SLC6A16: variants seen among roughly 807,000 people sequenced by gnomAD.
The protein encoded by SLC6A16 is orphan sodium- and chloride-dependent neurotransmitter transporter NTT5.
SLC6A16 carries 54 observed loss-of-function variants against 65.4 expected under a neutral mutation model. The observed-to-expected ratio is 0.83, with a 90% CI of 0.66 to 1.04. The LOEUF (loss-of-function observed/expected upper bound fraction) is 1.04. SLC6A16 is among the 50% of genes least tolerant of loss of function. The pLI is 0.00. For synonymous variants in SLC6A16, 330 were observed against 346.5 expected (o/e 0.95, Z 0.53); for missense variants, 816 against 914.0 (o/e 0.89, Z 1.38).
At chr19:49,320,552 G>GA (rs770357786) in intron 1 of SLC6A16, among the ~76,000 whole-genome samples, 9 of 150,342 alleles carry the variant, frequency 6.0e-5, no homozygotes, top group Non-Finnish European at 1.0e-4. Context: ...ATAGAGAATA[G>GA]AAAAACAATA....
chr19:49,324,947 C>G (rs573589026), intron 1 of SLC6A16, 101 bp downstream of exon 1: 1 of 717,056 alleles, frequency 1.4e-6, no homozygotes, highest in Non-Finnish European at 1.7e-6. Context: ...ACCTGTCACC[C>G]GTCAGTGGAG....
At chr19:49,336,191 C>T in the SLC6A16 span, 10 of 204,522 alleles carry the variant, frequency 4.9e-5, no homozygotes, top group Non-Finnish European at 9.1e-5. Context: ...TAACCCTAAA[C>T]GCTCATATTT....
In SLC6A16 at chr19:49,293,770, T is replaced by TCC. The variant is rs1970126757; in HGVS notation, c.1618+55_1618+56dup. The TCC allele has an allele frequency of 3.4e-6, 5 of 1,484,176 alleles. 1 individual carries two copies. In the South Asian group the frequency reaches 5.7e-5, roughly 17 times the overall value. The allele number at this position is 1,484,176 out of a possible 1,614,324, so 91.9% of individuals were successfully genotyped here. ...CAGGGACCCTGTCCCAAAAAAAGAGTCCCAGTGGTGTCAGGGGTCAGGGTC... is the reference window on the plus strand; with the variant it reads ...CAGGGACCCTGTCCCAAAAAAAGAGTCCCCCAGTGGTGTCAGGGGTCAGGGTC... On this transcript the variant is annotated intron_variant, in intron 9 of 11. Transcript: ENST00000335875.
At chr19:49,332,303 T>C in the SLC6A16 span, 1 of 456,560 alleles carries the variant, frequency 2.2e-6, no homozygotes, top group Non-Finnish European at 4.4e-6. Context: ...ACGCCTGTAA[T>C]CCCAGAACTT....
intron 7 of SLC6A16, among the ~76,000 whole-genome samples, chr19:49,308,006 A>G (rs1349391107): frequency 6.6e-6 from 1 of 151,156 alleles, no homozygotes; most frequent in Non-Finnish European, 1.5e-5. Context: ...AACACTTCCT[A>G]AATGTCTGTC....
intron 1 of SLC6A16, among the ~76,000 whole-genome samples, chr19:49,324,127 C>G (rs933093243): frequency 2.0e-5 from 3 of 152,002 alleles, no homozygotes; most frequent in African/African-American, 7.3e-5. Flanking sequence ...GTCAGGAGCT[C>G]GAGACCAGCC....
At chr19:49,298,897 C>T (rs141319092) in intron 7 of SLC6A16, among the ~76,000 whole-genome samples, 2,707 of 152,188 alleles carry the variant, frequency 0.018, 75 homozygotes, top group African/African-American at 0.055. Flanking sequence ...AAAATCATGT[C>T]CTTTGCAGCA....
the SLC6A16 span, chr19:49,335,788 T>G: frequency 6.2e-7 from 1 of 1,608,716 alleles, no homozygotes; most frequent in Non-Finnish European, 8.5e-7. This position sits in a 1 kb window ranked among gnomAD's most constrained non-coding sequence, Gnocchi z 4.6. Flanking sequence ...CCTTTGTGGG[T>G]GAGGGGGGCT....
chr19:49,323,259 T>G (rs1970744096), intron 1 of SLC6A16, among the ~76,000 whole-genome samples: 1 of 152,140 alleles, frequency 6.6e-6, no homozygotes, highest in Admixed American at 6.6e-5. Context: ...AATTATAAAA[T>G]TCTTAGAATA....
At chr19:49,324,814 G>A (rs991322811) in intron 1 of SLC6A16, among the ~76,000 whole-genome samples, 8 of 152,134 alleles carry the variant, frequency 5.3e-5, no homozygotes, top group Non-Finnish European at 1.0e-4. Context: ...GCTCAAACTC[G>A]GACTGGATGA....
At chr19:49,315,267 T>A (rs1970596128) in intron 1 of SLC6A16, among the ~76,000 whole-genome samples, 1 of 152,100 alleles carries the variant, frequency 6.6e-6, no homozygotes, top group African/African-American at 2.4e-5. Flanking sequence ...TTGTGGGAAA[T>A]AAAAACAATC....
At chr19:49,339,327 C>G in the SLC6A16 span, 1 of 1,613,704 alleles carries the variant, frequency 6.2e-7, no homozygotes, top group Non-Finnish European at 8.5e-7. The surrounding 1 kb of genome is among the most constrained non-coding windows in gnomAD (Gnocchi z 4.5). Flanking sequence ...CTACACCCCC[C>G]AGGGCTGCGC....
chr19:49,324,657 T>C (rs1970769748), intron 1 of SLC6A16, among the ~76,000 whole-genome samples: 2 of 152,224 alleles, frequency 1.3e-5, no homozygotes, highest in South Asian at 2.1e-4. Flanking sequence ...AATAAGGAGC[T>C]GGTGTCCCAT....
chr19:49,318,648 A>T (rs1251172445), intron 1 of SLC6A16, among the ~76,000 whole-genome samples: 1 of 152,224 alleles, frequency 6.6e-6, no homozygotes, highest in African/African-American at 2.4e-5. Context: ...ATGGTCAAGG[A>T]CTTAAAAGGA....
chr19:49,326,905 G>T (rs541899342), upstream of SLC6A16, among the ~76,000 whole-genome samples: 1 of 152,032 alleles, frequency 6.6e-6, no homozygotes, highest in East Asian at 1.9e-4. Flanking sequence ...TGTAATCCCA[G>T]CTACTCGGGT....
chr19:49,290,557 G>T, intron 11 of SLC6A16, 48 bp downstream of exon 11: 1 of 1,600,954 alleles, frequency 6.2e-7, no homozygotes, highest in Non-Finnish European at 8.6e-7. Flanking sequence ...GAATTGAAAG[G>T]TCTGGCCCCT....
chr19:49,316,771 G>A (rs373787132), intron 1 of SLC6A16, among the ~76,000 whole-genome samples: 11 of 151,352 alleles, frequency 7.3e-5, no homozygotes, highest in Non-Finnish European at 1.2e-4. Context: ...TGTAATCCTA[G>A]TACTTTGGGA....
chr19:49,309,093 C>T lies in SLC6A16; in HGVS notation c.1012G>A (p.Val338Met). The T allele has an allele frequency of 6.2e-7, 1 of 1,614,162 alleles. No individual in the cohort carries two copies. The highest frequency in any genetic ancestry group is 1.7e-5 in the Admixed American group (1 of 60,020). The change falls in exon 7 of 12, where the codon GTG becomes ATG. Residue 338 changes from valine (V) to methionine (M), a missense_variant. Coordinates refer to ENST00000335875, the MANE Select transcript of SLC6A16 (RefSeq NM_014037.3). The part of the protein sequence containing the change: ...AKISDVYNMS[V>M]WSLAGGQVLS... Reference sequence around the variant, plus strand: ...ACTTGACCCCCTGCTAGAGACCACACACTCATATTGTACACATCCGATATC... The same window carrying T: ...ACTTGACCCCCTGCTAGAGACCACATACTCATATTGTACACATCCGATATC...
the SLC6A16 span, chr19:49,339,808 T>C: frequency 7.4e-7 from 1 of 1,349,544 alleles, no homozygotes; most frequent in Non-Finnish European, 9.5e-7. This position sits in a 1 kb window ranked among gnomAD's most constrained non-coding sequence, Gnocchi z 4.5. Context: ...GTGGGGTGGC[T>C]GGGGCATGGC....
Sources: gnomAD v4.1 joint callset for allele counts (sites outside exome capture counted in the v4.1 genomes callset) on GRCh38, gnomAD v4.1.1 for gene constraint, Gnocchi (gnomAD v3.1) non-coding constraint, MANE v1.5 for transcripts, NCBI Gene and HGNC (gene_info 2026-07-23, HGNC 2026-07-21) for gene names.